Variants in JDP2 observed in about 807,000 individuals in gnomAD.
JDP2 encodes the protein Jun dimerization protein 2.
JDP2 carries 9 observed loss-of-function variants against 17.1 expected under a neutral mutation model. That is an observed-to-expected ratio of 0.53 (90% confidence interval 0.32 to 0.92). JDP2 has a LOEUF of 0.92. Ranked by LOEUF, JDP2 falls within the 40% of genes least tolerant of loss-of-function variation. The pLI is 0.04. For synonymous variants in JDP2, 107 were observed against 95.6 expected, an observed-to-expected ratio of 1.12 and a Z score of -0.69; for missense variants, 179 against 220.0, an observed-to-expected ratio of 0.81 and a Z score of 1.18.
chr14:75,456,905 G>A (rs1886135961), intron 2 of JDP2, among the ~76,000 whole-genome samples: 1 of 152,146 alleles, frequency 6.6e-6, no homozygotes, highest in Non-Finnish European at 1.5e-5. Context: ...CTGCACGAGG[G>A]CCCTCTTGGT....
At chr14:75,438,482 A>T (rs1885181335) in intron 2 of JDP2, among the ~76,000 whole-genome samples, 1 of 152,118 alleles carries the variant, frequency 6.6e-6, no homozygotes, top group African/African-American at 2.4e-5. Context: ...AGATAATGGG[A>T]ATGGGAATGT....
chr14:75,450,244 T>C (rs564441375), intron 2 of JDP2, among the ~76,000 whole-genome samples: 1 of 152,306 alleles, frequency 6.6e-6, no homozygotes, highest in East Asian at 1.9e-4. Flanking sequence ...AGGTGTCCCC[T>C]GCCTCTTCCC....
intron 2 of JDP2, among the ~76,000 whole-genome samples, chr14:75,451,813 G>A (rs1011979321): frequency 7.4e-5 from 11 of 148,982 alleles, no homozygotes; most frequent in African/African-American, 2.5e-4. Context: ...GTCTTGAAGA[G>A]CAAGCCATTT....
intron 1 of JDP2, among the ~76,000 whole-genome samples, chr14:75,434,704 G>A (rs956562280): frequency 6.6e-6 from 1 of 152,132 alleles, no homozygotes; most frequent in Non-Finnish European, 1.5e-5. Context: ...GGAACAGAAT[G>A]GGGTCTGGCT....
chr14:75,438,257 TCCCAGGCCTCGC>T, intron 2 of JDP2, 136 bp downstream of exon 2: 1 of 647,004 alleles, frequency 1.5e-6, no homozygotes, highest in Non-Finnish European at 2.6e-6. Context: ...AAATGTGGAA[TCCCAGGCCTCGC>T]CCCAGGCCTT....
Position 75,469,527 on chromosome 14 carries a change from G to A in JDP2, c.*52G>A, listed in dbSNP as rs753844285. The A allele has an allele frequency of 2.4e-5, 37 of 1,561,384 alleles. No individual in the cohort carries two copies. In the East Asian group the frequency reaches 2.5e-4, roughly 11 times the overall value. On this transcript the variant is annotated 3_prime_UTR_variant, in exon 4 of 4. Transcript: ENST00000651602. ...GAGGAAGAGGAGAAGGAAAAGTGAC[G>A]AAGAGAGAGGAGGAGGGGGGCCCCA...
At chr14:75,464,260 A>G (rs1886470519) in intron 3 of JDP2, among the ~76,000 whole-genome samples, 1 of 152,256 alleles carries the variant, frequency 6.6e-6, no homozygotes, top group Admixed American at 6.5e-5. Context: ...TACAAGGCTC[A>G]GAGATACATA....
chr14:75,432,602 C>G (rs1017057085), intron 1 of JDP2, among the ~76,000 whole-genome samples: 2 of 152,232 alleles, frequency 1.3e-5, no homozygotes, highest in African/African-American at 4.8e-5. Context: ...AAACCTTGAA[C>G]CTTAGACCGC....
At position 75,438,054 on chromosome 14, in the gene JDP2, C is replaced by T; in HGVS notation, c.134C>T (p.Ala45Val). ...LKYADIRNLG[A>V]MIAPLHFLEV... ...TACGCTGACATCCGCAACCTCGGGGCCATGATTGCACCCTTGCACTTCCTG... is the reference window on the plus strand; with the variant it reads ...TACGCTGACATCCGCAACCTCGGGGTCATGATTGCACCCTTGCACTTCCTG... Residue 45 changes from alanine to valine, a missense_variant, in exon 2 of 4, where the codon GCC becomes GTC. Physicochemically the swap from Ala to Val is moderately conservative, Grantham distance 64 (BLOSUM62 0). Transcript: ENST00000651602. The T allele has an allele frequency of 6.2e-7, 1 of 1,614,052 alleles. No individual in the cohort carries two copies. Among genetic ancestry groups the T allele is most frequent in the South Asian group, 1.1e-5 (1 of 91,020 alleles).
chr14:75,429,051 G>A (rs1210114631), intron 1 of JDP2, among the ~76,000 whole-genome samples: 2 of 152,134 alleles, frequency 1.3e-5, no homozygotes, highest in Admixed American at 6.5e-5. Flanking sequence ...GTGTAGGGGT[G>A]GATTGGGCCT....
In JDP2 at chr14:75,471,575, C is replaced by T. The variant is rs1447324732; in HGVS notation, c.*2100C>T. Reference sequence around the variant, plus strand: ...CCTGGGTTGCTTCCCAAATTGTGGACGAGGCCTTCTGGGATGGGCAGAAGT... The same window carrying T: ...CCTGGGTTGCTTCCCAAATTGTGGATGAGGCCTTCTGGGATGGGCAGAAGT... On this transcript the variant is annotated 3_prime_UTR_variant, in exon 4 of 4. Transcript: ENST00000651602. 7 of 152,196 alleles carry T rather than the reference C, an allele frequency of 4.6e-5. No individual in the cohort carries two copies. Among genetic ancestry groups the T allele is most frequent in the Admixed American group, 2.0e-4 (3 of 15,264 alleles). The allele number at this position is 152,196 out of a possible 1,614,324, so 9.4% of individuals were successfully genotyped here.
intron 2 of JDP2, among the ~76,000 whole-genome samples, chr14:75,441,134 G>GGAGA (rs145100347): frequency 1.3e-5 from 2 of 148,700 alleles, no homozygotes; most frequent in East Asian, 2.0e-4. Flanking sequence ...AGAGAGAGAG[G>GGAGA]GAGAGAGAGA....
At position 75,428,777 on chromosome 14, in the gene JDP2, T is replaced by C. The variant is rs1275813257; in HGVS notation, c.-24+525T>C. 6.6e-6 allele frequency among the ~76,000 whole-genome samples: 1 copy of C among 152,154 alleles called. No individual in the cohort carries two copies. The highest frequency in any genetic ancestry group is 2.4e-5 in the African/African-American group (1 of 41,422). On this transcript the variant is annotated intron_variant, in intron 1 of 3. Transcript: ENST00000651602. The surrounding 1 kb of genome is among the most constrained non-coding windows in gnomAD (Gnocchi z 5.6). ...GAGGACCCGGACCCGGAGGAGAGTA[T>C]TGAGAAGGGCTCGGGATTTCCATCC...
chr14:75,434,267 A>G (rs946268033), intron 1 of JDP2, among the ~76,000 whole-genome samples: 2 of 152,162 alleles, frequency 1.3e-5, no homozygotes, highest in Non-Finnish European at 2.9e-5. Flanking sequence ...GGATCCAATT[A>G]TGAAAGGCAG....
intron 2 of JDP2, among the ~76,000 whole-genome samples, chr14:75,458,056 C>T (rs1020064141): frequency 2.0e-5 from 3 of 152,284 alleles, no homozygotes; most frequent in South Asian, 4.1e-4. Context: ...TGCTCAGGTC[C>T]GGTTCTTCAG....
intron 3 of JDP2, 115 bp from the exon 4 acceptor site, chr14:75,469,175 C>A (rs1027542764): frequency 3.7e-5 from 34 of 927,212 alleles, no homozygotes; most frequent in Non-Finnish European, 4.8e-5. Flanking sequence ...GTGCTTCTTC[C>A]TGCAGAAAAC....
intron 1 of JDP2, among the ~76,000 whole-genome samples, chr14:75,437,002 T>C (rs1885093035): frequency 6.6e-6 from 1 of 152,142 alleles, no homozygotes; most frequent in African/African-American, 2.4e-5. Flanking sequence ...AACACCAGCC[T>C]GGCTAACATG....
chr14:75,440,172 C>T (rs990429912), intron 2 of JDP2, among the ~76,000 whole-genome samples: 3 of 152,190 alleles, frequency 2.0e-5, no homozygotes, highest in Admixed American at 1.3e-4. Context: ...CCATCCAGGC[C>T]GCAAAAATAA....
Position 75,437,828 on chromosome 14 carries a change from A to G in JDP2, c.-23-70A>G, listed in dbSNP as rs574692370. The G allele has an allele frequency of 6.6e-6, 7 of 1,067,646 alleles. No homozygotes were observed. The South Asian group carries it at 9.7e-5, about 15-fold the overall frequency. 66.1% of individuals were successfully genotyped at this position (1,067,646 alleles called of 1,614,324 possible). A position where few individuals can be genotyped will look rare whatever the true frequency, so the allele number is the denominator to read the frequency against. Reference sequence around the variant, plus strand: ...TGAAAGAAGCCACAGTCCTGGCAAGACGAGGGACTTGAGCCCTCCTGGAGC... The same window carrying G: ...TGAAAGAAGCCACAGTCCTGGCAAGGCGAGGGACTTGAGCCCTCCTGGAGC... On this transcript the variant is annotated intron_variant, in intron 1 of 3. Coordinates refer to ENST00000651602, the MANE Select transcript of JDP2 (RefSeq NM_001135048.2).
Sources: allele counts gnomAD v4.1 joint callset (sites outside exome capture counted in the v4.1 genomes callset), GRCh38; gene constraint gnomAD v4.1.1; non-coding constraint Gnocchi (gnomAD v3.1); transcripts MANE v1.5; gene names NCBI Gene and HGNC (gene_info 2026-07-23, HGNC 2026-07-21).